GSK3B: variants seen among roughly 807,000 people sequenced by gnomAD.
The protein encoded by GSK3B is glycogen synthase kinase-3 beta.
GSK3B carries 15 observed loss-of-function variants against 56.4 expected under a neutral mutation model. The observed-to-expected ratio is 0.27, with a 90% CI of 0.18 to 0.41. The LOEUF (loss-of-function observed/expected upper bound fraction) is 0.41, where lower values mean the gene tolerates loss of function less well. GSK3B is among the 10% of genes least tolerant of loss of function. The pLI, the probability that GSK3B is intolerant of heterozygous loss-of-function variation, is 1.00. For synonymous variants in GSK3B, 181 were observed against 188.9 expected (o/e 0.96, Z 0.34); for missense variants, 300 against 513.4 (o/e 0.58, Z 4.02).
intron 9 of GSK3B, among the ~76,000 whole-genome samples, chr3:119,853,401 C>T (rs150955435): frequency 0.016 from 2,413 of 152,230 alleles, 62 homozygotes; most frequent in African/African-American, 0.055. Flanking sequence ...CTTGGCTATA[C>T]GGGCTCTTTT....
chr3:120,038,484 A>T (rs2058040020), intron 1 of GSK3B, among the ~76,000 whole-genome samples: 1 of 152,308 alleles, frequency 6.6e-6, no homozygotes, highest in East Asian at 1.9e-4. Flanking sequence ...GCTGTGATCA[A>T]GCCACTGCAC....
intron 1 of GSK3B, among the ~76,000 whole-genome samples, chr3:120,051,085 T>A (rs1481669448): frequency 6.6e-6 from 1 of 151,228 alleles, no homozygotes; most frequent in African/African-American, 2.4e-5. Context: ...AAACACCAGG[T>A]CTAGTAGGGT....
chr3:119,970,183 T>C (rs1298736863), intron 2 of GSK3B, among the ~76,000 whole-genome samples: 1 of 152,214 alleles, frequency 6.6e-6, no homozygotes, highest in East Asian at 1.9e-4. Flanking sequence ...ATACAGGTTT[T>C]AGTGCCATCT....
At chr3:119,828,517 T>C (rs558401884) in intron 10 of GSK3B, among the ~76,000 whole-genome samples, 4 of 152,316 alleles carry the variant, frequency 2.6e-5, no homozygotes, top group African/African-American at 7.2e-5. Context: ...AAAGGCAGAC[T>C]CAGAAGTTTT....
chr3:119,891,643 A>G (rs1269582887), intron 7 of GSK3B, among the ~76,000 whole-genome samples: 1 of 152,154 alleles, frequency 6.6e-6, no homozygotes, highest in African/African-American at 2.4e-5. Context: ...CTAAAGACAT[A>G]TATTTTGAGT....
rs749385392 is a variant in GSK3B, at chr3:119,905,827, C to T, written c.741G>A (p.Leu247=). The T allele has an allele frequency of 3.1e-6, 5 of 1,600,562 alleles. No individual in the cohort carries two copies. In the East Asian group the frequency reaches 1.1e-4, roughly 36 times the overall value. ...SIDVWSAGCV[L]AELLLGQPIF... ...TTGGTTGTCCTAGTAACAGCTCAGC[C>T]AACACACAGCCAGCAGACCATACAT... Residue 247 remains leucine (L), a synonymous_variant, in exon 7 of 11, where the codon TTG becomes TTA. Transcript: ENST00000264235.
chr3:120,089,378 TCA>T (rs927086717), intron 1 of GSK3B, among the ~76,000 whole-genome samples: 57 of 152,328 alleles, frequency 3.7e-4, no homozygotes, highest in African/African-American at 1.3e-3. Flanking sequence ...GTTTTCAGTC[TCA>T]CACATGAACT....
intron 1 of GSK3B, among the ~76,000 whole-genome samples, chr3:120,092,910 C>A (rs2058525928): frequency 1.3e-5 from 2 of 152,176 alleles, no homozygotes; most frequent in African/African-American, 4.8e-5. Flanking sequence ...ACTATGATAA[C>A]CCCTGAGACC....
At chr3:120,038,818 T>TAA (rs60085357) in intron 1 of GSK3B, among the ~76,000 whole-genome samples, 22 of 121,866 alleles carry the variant, frequency 1.8e-4, no homozygotes, top group African/African-American at 4.2e-4. Context: ...GCACAGTCCA[T>TAA]AAAAAAAAAA....
rs552038038 is a variant in GSK3B, at chr3:119,947,271, C to T, written c.363G>A (p.Glu121=). Residue 121 remains glutamate (E), a synonymous_variant, in exon 3 of 11, where the codon GAG becomes GAA. Coordinates refer to ENST00000264235, the MANE Select transcript of GSK3B (RefSeq NM_001146156.2). ...RLRYFFYSSG[E]KKDEVYLNLV... ...ACACACTTTGTGTCAAACCTACCTT[C>T]TCACCACTGGAGTAGAAGAAATAAC... 3 of 1,551,286 alleles carry T rather than the reference C, an allele frequency of 1.9e-6. No individual in the cohort carries two copies. The highest frequency in any genetic ancestry group is 1.1e-5 in the South Asian group (1 of 89,732).
chr3:120,018,489 G>A (rs1466547073), intron 1 of GSK3B, among the ~76,000 whole-genome samples: 2 of 152,090 alleles, frequency 1.3e-5, no homozygotes, highest in Admixed American at 1.3e-4. Flanking sequence ...TGACTCTATA[G>A]TATTAAAAAC....
intron 2 of GSK3B, among the ~76,000 whole-genome samples, chr3:119,970,571 A>G (rs1339845179): frequency 6.6e-6 from 1 of 150,442 alleles, no homozygotes; most frequent in Non-Finnish European, 1.5e-5. Flanking sequence ...GGAGTTTGAG[A>G]CCAGCCTGGC....
chr3:119,927,399 C>A (rs1435444101), intron 3 of GSK3B, among the ~76,000 whole-genome samples: 1 of 151,964 alleles, frequency 6.6e-6, no homozygotes, highest in African/African-American at 2.4e-5. Context: ...TGAATCAGGG[C>A]ATAAGGCAAT....
At chr3:120,049,363 G>T (rs1007377305) in intron 1 of GSK3B, among the ~76,000 whole-genome samples, 1 of 152,164 alleles carries the variant, frequency 6.6e-6, no homozygotes, top group African/African-American at 2.4e-5. Flanking sequence ...ACGGTCAAAT[G>T]GATAAAAGCT....
intron 1 of GSK3B, among the ~76,000 whole-genome samples, chr3:120,039,319 C>T (rs2058047651): frequency 6.6e-6 from 1 of 152,224 alleles, no homozygotes; most frequent in African/African-American, 2.4e-5. Flanking sequence ...TCTTACCACA[C>T]AATCCCAGCA....
Position 119,822,033 on chromosome 3 carries a change from C to A in GSK3B, c.*4755G>T. On this transcript the variant is annotated 3_prime_UTR_variant, in exon 11 of 11. Coordinates refer to ENST00000264235, the MANE Select transcript of GSK3B (RefSeq NM_001146156.2). ...AGTTAACTATTTCCAAACCAAGTCACATAGAACAAAATGTATTTACAAGGG... is the reference window on the plus strand; with the variant it reads ...AGTTAACTATTTCCAAACCAAGTCAAATAGAACAAAATGTATTTACAAGGG... 1 of 191,082 alleles carries A rather than the reference C, an allele frequency of 5.2e-6. No homozygotes were observed. Among genetic ancestry groups the A allele is most frequent in the African/African-American group, 2.4e-5 (1 of 42,428 alleles). 11.8% of individuals were successfully genotyped at this position (191,082 alleles called of 1,614,324 possible).
At chr3:120,017,934 G>C (rs1224776577) in intron 1 of GSK3B, among the ~76,000 whole-genome samples, 3 of 152,186 alleles carry the variant, frequency 2.0e-5, no homozygotes, top group African/African-American at 7.2e-5. Context: ...CCTCCTCAGA[G>C]ATGACCTCGG....
At chr3:119,988,769 T>C (rs1464414199) in intron 2 of GSK3B, among the ~76,000 whole-genome samples, 2 of 152,252 alleles carry the variant, frequency 1.3e-5, no homozygotes, top group Non-Finnish European at 2.9e-5. Flanking sequence ...AGATTCCTTC[T>C]ACAGAACAAA....
At chr3:119,863,347 A>T in intron 9 of GSK3B, 72 bp downstream of exon 9, 1 of 1,205,884 alleles carries the variant, frequency 8.3e-7, no homozygotes, top group Non-Finnish European at 1.2e-6. Flanking sequence ...GATTTTAATT[A>T]ATAGAATGTC....
Sources: allele counts gnomAD v4.1 joint callset (sites outside exome capture counted in the v4.1 genomes callset), GRCh38; gene constraint gnomAD v4.1.1; transcripts MANE v1.5; gene names NCBI Gene and HGNC (gene_info 2026-07-23, HGNC 2026-07-21).